VWDE: variants seen among roughly 807,000 people sequenced by gnomAD.
The protein encoded by VWDE is von Willebrand factor D and EGF domain-containing protein.
Under a neutral mutation model 178.4 loss-of-function variants are expected in VWDE, and 207 were observed. The observed-to-expected ratio is 1.16, with a 90% CI of 1.04 to 1.30. The LOEUF is 1.30. VWDE is among the 50% of genes most tolerant of loss of function. The probability of loss-of-function intolerance (pLI) is 0.00; values close to 1 mark genes in which losing one functional copy is unlikely to be tolerated. For missense variants in VWDE, 2,287 were observed against 1,901.3 expected, an observed-to-expected ratio of 1.20 and a Z score of -3.77; for synonymous variants, 738 against 651.4, an observed-to-expected ratio of 1.13 and a Z score of -2.02.
chr7:12,352,694 G>T (rs1204074709), intron 18 of VWDE, among the ~76,000 whole-genome samples: 1 of 152,154 alleles, frequency 6.6e-6, no homozygotes, highest in Non-Finnish European at 1.5e-5. Flanking sequence ...ATACTGTGTT[G>T]CTCATATCTG....
intron 3 of VWDE, among the ~76,000 whole-genome samples, chr7:12,386,578 A>G (rs1180839593): frequency 1.3e-5 from 2 of 152,154 alleles, no homozygotes; most frequent in East Asian, 3.8e-4. Context: ...TGAGTACAAC[A>G]TACTCTTATT....
In VWDE at chr7:12,393,467, A is replaced by C. The variant is rs1583353476; in HGVS notation, c.243+127T>G. 34 of 773,864 alleles carry C rather than the reference A, an allele frequency of 4.4e-5. No individual in the cohort carries two copies. In the East Asian group the frequency reaches 8.8e-4, roughly 20 times the overall value. The allele number at this position is 773,864 out of a possible 1,614,324, so 47.9% of individuals were successfully genotyped here. A position where few individuals can be genotyped will look rare whatever the true frequency, so the allele number is the denominator to read the frequency against. Reference sequence around the variant, plus strand: ...CTAGGTAATGTGGGAATAGTCTTTCAGATTAACTCAATACAAAATTAAAAC... The same window carrying C: ...CTAGGTAATGTGGGAATAGTCTTTCCGATTAACTCAATACAAAATTAAAAC... On this transcript the variant is annotated intron_variant, in intron 2 of 28. Coordinates refer to ENST00000275358, the MANE Select transcript of VWDE (RefSeq NM_001135924.3).
chr7:12,390,935 A>T (rs1784355703), intron 2 of VWDE, among the ~76,000 whole-genome samples: 1 of 152,182 alleles, frequency 6.6e-6, no homozygotes, highest in African/African-American at 2.4e-5. Flanking sequence ...TTACATGTAC[A>T]TTCGTCAATT....
chr7:12,373,209 T>C lies in VWDE; in HGVS notation c.1355A>G (p.Tyr452Cys). 1 of 1,551,388 alleles carries C rather than the reference T, an allele frequency of 6.4e-7. No homozygotes were observed. Among genetic ancestry groups the C allele is most frequent in the Non-Finnish European group, 8.7e-7 (1 of 1,146,760 alleles). Residue 452 changes from tyrosine (Y) to cysteine (C), a missense_variant, in exon 10 of 29, where the codon TAT becomes TGT. Transcript: ENST00000275358. ...TTCAAAATCACGTGACATACTCTTA[T>C]AAAGCACAAATGTTCCAGTCTTGAA... The part of the protein sequence containing the change: ...DNFKTGTFVL[Y>C]KSMSRDFEVH...
At chr7:12,347,332 A>T (rs922743003) in intron 19 of VWDE, among the ~76,000 whole-genome samples, 1 of 152,316 alleles carries the variant, frequency 6.6e-6, no homozygotes, top group African/African-American at 2.4e-5. Flanking sequence ...AAAGAAAGTA[A>T]GAAAAGAGCA....
At position 12,370,133 on chromosome 7, in the gene VWDE, AT is replaced by A. The variant is rs1158871045; in HGVS notation, c.2172del (p.Gln724HisfsTer19). The A allele has an allele frequency of 6.4e-7, 1 of 1,551,496 alleles. No homozygotes were observed. Among genetic ancestry groups the A allele is most frequent in the East Asian group, 2.4e-5 (1 of 40,908 alleles). On this transcript the variant is annotated frameshift_variant, in exon 12 of 29. Transcript: ENST00000275358. LOFTEE classifies it high-confidence loss of function. ...TGTGTATATTTCTTATTGGCCAAAT[AT>A]TGTAGTGAATCTTCTTTCTCATTTC... ...HPGNEKEDSL[Q>X]YLANKKYTQG...
At position 12,375,066 on chromosome 7, in the gene VWDE, G is replaced by T. The variant is rs375551327; in HGVS notation, c.1186C>A (p.Gln396Lys). Reference sequence around the variant, plus strand: ...AGGAAATCCTCATTAACTATTGGTTGCACTACAATGTTTGAGACTCTATCT... The same window carrying T: ...AGGAAATCCTCATTAACTATTGGTTTCACTACAATGTTTGAGACTCTATCT... ...DGDRVSNIVV[Q>K]PIVNEDFLWN... The change falls in exon 8 of 29, where the codon CAA becomes AAA. Residue 396 changes from glutamine (Q) to lysine (K), a missense_variant. Gln to Lys is a moderately conservative substitution (Grantham distance 53, BLOSUM62 1). Coordinates refer to ENST00000275358, the MANE Select transcript of VWDE (RefSeq NM_001135924.3). 9.2e-5 allele frequency: 142 copies of T among 1,551,288 alleles called. 1 individual carries two copies. The African/African-American group carries it at 1.8e-3, about 20-fold the overall frequency.
In VWDE at chr7:12,393,529, G is replaced by C. The variant is rs140132200; in HGVS notation, c.243+65C>G. On this transcript the variant is annotated intron_variant, in intron 2 of 28. Coordinates refer to ENST00000275358, the MANE Select transcript of VWDE (RefSeq NM_001135924.3). ...ATGAGAAATAAGCTGGTGGTAAAAAGATACAATTCTCATATGAAAAACACA... is the reference window on the plus strand; with the variant it reads ...ATGAGAAATAAGCTGGTGGTAAAAACATACAATTCTCATATGAAAAACACA... 77 of 1,316,230 alleles carry C rather than the reference G, an allele frequency of 5.9e-5. No individual in the cohort carries two copies. The African/African-American group carries it at 9.3e-4, about 16-fold the overall frequency. 81.5% of individuals were successfully genotyped at this position (1,316,230 alleles called of 1,614,324 possible).
At chr7:12,395,682 T>C (rs2128563453) in intron 1 of VWDE, among the ~76,000 whole-genome samples, 1 of 152,154 alleles carries the variant, frequency 6.6e-6, no homozygotes, top group South Asian at 2.1e-4. Flanking sequence ...ATTTCATAAC[T>C]TTTTTCTAAA....
At chr7:12,367,231 T>C in intron 13 of VWDE, 126 bp downstream of exon 13, 1 of 657,424 alleles carries the variant, frequency 1.5e-6, no homozygotes, top group Admixed American at 4.2e-5. Flanking sequence ...CATTTTCCTG[T>C]TCAGCTCTCT....
intron 19 of VWDE, among the ~76,000 whole-genome samples, chr7:12,345,697 T>A (rs150574671): frequency 6.6e-6 from 1 of 152,292 alleles, no homozygotes; most frequent in East Asian, 1.9e-4. Flanking sequence ...TTTGGGTTCC[T>A]GCTTAAAGAG....
intron 18 of VWDE, among the ~76,000 whole-genome samples, chr7:12,353,537 C>A (rs1273395729): frequency 1.3e-5 from 2 of 152,202 alleles, no homozygotes; most frequent in Admixed American, 6.5e-5. Flanking sequence ...AAACCAATCA[C>A]TGGCCAAGTA....
At chr7:12,332,917 C>A (rs1780803686) in intron 28 of VWDE, among the ~76,000 whole-genome samples, 2 of 152,088 alleles carry the variant, frequency 1.3e-5, no homozygotes, top group Non-Finnish European at 2.9e-5. Flanking sequence ...TTTTAAATTA[C>A]AACTCCTACA....
At chr7:12,341,313 T>C (rs1244599745) in intron 23 of VWDE, among the ~76,000 whole-genome samples, 1 of 152,068 alleles carries the variant, frequency 6.6e-6, no homozygotes, top group Non-Finnish European at 1.5e-5. Context: ...AGATCAAACA[T>C]AGATAACTGC....
At chr7:12,372,840 C>T (rs1235758030) in intron 10 of VWDE, 137 bp downstream of exon 10, 1 of 820,036 alleles carries the variant, frequency 1.2e-6, no homozygotes, top group African/African-American at 1.7e-5. Flanking sequence ...TGTATTCCCT[C>T]TAAGATGATG....
At chr7:12,374,316 T>C (rs1211359343) in intron 9 of VWDE, among the ~76,000 whole-genome samples, 1 of 152,104 alleles carries the variant, frequency 6.6e-6, no homozygotes, top group Non-Finnish European at 1.5e-5. Context: ...AATTCTAATA[T>C]GTTTAATCAT....
chr7:12,356,206 A>G lies in VWDE; in HGVS notation c.3650T>C (p.Val1217Ala), dbSNP rs1186209063. ...LPGFHGSLCE[V>A]DISGCQSNPC... ...GTTGGATTGGCACCCACTAATGTCCACTTCACAAAGGCTGCCATGGAAGCC... is the reference window on the plus strand; with the variant it reads ...GTTGGATTGGCACCCACTAATGTCCGCTTCACAAAGGCTGCCATGGAAGCC... The change falls in exon 18 of 29, where the codon GTG becomes GCG. Residue 1217 changes from valine to alanine, a missense_variant. Transcript: ENST00000275358. The G allele has an allele frequency of 1.9e-6, 3 of 1,551,454 alleles. No homozygotes were observed. The highest frequency in any genetic ancestry group is 2.6e-6 in the Non-Finnish European group (3 of 1,146,964).
intron 6 of VWDE, 113 bp from the exon 7 acceptor site, chr7:12,378,033 G>A (rs1182973103): frequency 3.8e-6 from 3 of 784,840 alleles, no homozygotes; most frequent in Non-Finnish European, 1.8e-6. Context: ...AATAACTTAA[G>A]CCCTAGAATG....
intron 2 of VWDE, 70 bp downstream of exon 2, chr7:12,393,523 TA>T: frequency 7.8e-7 from 1 of 1,290,314 alleles, no homozygotes; most frequent in Admixed American, 2.9e-5. Flanking sequence ...AAGCTGGTGG[TA>T]AAAAGATACA....
Sources: gnomAD v4.1 joint callset for allele counts (sites outside exome capture counted in the v4.1 genomes callset) on GRCh38, gnomAD v4.1.1 for gene constraint, MANE v1.5 for transcripts, NCBI Gene and HGNC (gene_info 2026-07-23, HGNC 2026-07-21) for gene names.